SEL1L3: variants seen among roughly 807,000 people sequenced by gnomAD.
SEL1L3 encodes protein sel-1 homolog 3.
A neutral mutation model predicts 142.8 loss-of-function variants in SEL1L3; 76 were observed. The ratio of observed to expected loss-of-function variants is 0.53; its 90% CI spans 0.44 to 0.64. The LOEUF is 0.64. SEL1L3 is among the 30% of genes least tolerant of loss of function. The pLI, the probability that SEL1L3 is intolerant of heterozygous loss-of-function variation, is 0.00. For synonymous variants in SEL1L3, 504 were observed against 519.6 expected, an observed-to-expected ratio of 0.97 and a Z score of 0.41; for missense variants, 1,262 against 1,381.7, an observed-to-expected ratio of 0.91 and a Z score of 1.37.
intron 20 of SEL1L3, 88 bp downstream of exon 20, chr4:25,765,237 GC>G: frequency 2.4e-6 from 2 of 833,834 alleles, no homozygotes; most frequent in Admixed American, 1.8e-5. Flanking sequence ...CAAGTGACCC[GC>G]CCCCGTCGGC....
the SEL1L3 span, among the ~76,000 whole-genome samples, chr4:25,736,243 G>GTGTGTGTGTGTGTGTGTGTGTGTGT: frequency 8.1e-5 from 12 of 148,296 alleles, no homozygotes; most frequent in East Asian, 2.0e-4. Context: ...GTGTGTGTGT[G>GTGTGTGTGTGTGTGTGTGTGTGTGT]ATGGAGTTTT....
chr4:25,835,154 A>G (rs534168419), intron 3 of SEL1L3, 43 bp downstream of exon 3: 2 of 1,608,160 alleles, frequency 1.2e-6, no homozygotes. Context: ...CTCAAATAAA[A>G]CAAGCACCGC....
intron 17 of SEL1L3, among the ~76,000 whole-genome samples, chr4:25,774,686 C>T (rs572217167): frequency 7.2e-5 from 11 of 152,274 alleles, no homozygotes; most frequent in African/African-American, 2.6e-4. Context: ...ATGAAGAAAC[C>T]CTCTCTACTA....
intron 17 of SEL1L3, among the ~76,000 whole-genome samples, chr4:25,769,691 C>A (rs934201069): frequency 3.3e-5 from 5 of 152,192 alleles, no homozygotes; most frequent in Admixed American, 6.5e-5. Context: ...CTCTGGCCTG[C>A]ACTGGTGTCT....
chr4:25,806,232 T>C (rs535200340), intron 9 of SEL1L3, among the ~76,000 whole-genome samples: 2 of 151,984 alleles, frequency 1.3e-5, no homozygotes, highest in South Asian at 2.1e-4. Context: ...AGAGAGAGGG[T>C]TTCACCGTGT....
At chr4:25,837,136 G>T (rs1045731186) in intron 2 of SEL1L3, among the ~76,000 whole-genome samples, 1 of 151,742 alleles carries the variant, frequency 6.6e-6, no homozygotes. Flanking sequence ...TATGACGGGG[G>T]TGGTGAGAGG....
In SEL1L3 at chr4:25,765,674, C is replaced by T. The variant is rs188586080; in HGVS notation, c.2846-239G>A. Among the ~76,000 whole-genome samples the T allele has an allele frequency of 2.9e-3, 434 of 151,948 alleles. 3 individuals carry two copies. The highest frequency in any genetic ancestry group is 2.9e-3 in the Non-Finnish European group (195 of 67,960). On this transcript the variant is annotated intron_variant, in intron 19 of 23. Coordinates refer to ENST00000399878, the MANE Select transcript of SEL1L3 (RefSeq NM_015187.5). ...TCTAAATTTTTTGCGATAGGGTCTC[C>T]GCTGCCTAGGCTGGAATACAGCGGT...
At chr4:25,738,921 G>A in the SEL1L3 span, among the ~76,000 whole-genome samples, 3 of 152,122 alleles carry the variant, frequency 2.0e-5, no homozygotes, top group Non-Finnish European at 2.9e-5. Flanking sequence ...ATGTCTGGAG[G>A]TTGGCTGGGC....
chr4:25,862,391 A>G (rs1717779707), intron 1 of SEL1L3, among the ~76,000 whole-genome samples: 3 of 151,826 alleles, frequency 2.0e-5, no homozygotes, highest in Admixed American at 1.3e-4. Flanking sequence ...AGTCGAGGAC[A>G]AGAAGGGGTC....
the SEL1L3 span, among the ~76,000 whole-genome samples, chr4:25,715,300 T>C: frequency 6.6e-6 from 1 of 152,154 alleles, no homozygotes; most frequent in Non-Finnish European, 1.5e-5. Flanking sequence ...GAGACCAGCG[T>C]GGGCAACAGA....
At chr4:25,821,923 C>T (rs1714784795) in intron 7 of SEL1L3, 73 bp downstream of exon 7, 4 of 1,481,282 alleles carry the variant, frequency 2.7e-6, no homozygotes, top group Non-Finnish European at 3.6e-6. Context: ...TTTATTTACA[C>T]TGGGTGGCAC....
downstream of SEL1L3, among the ~76,000 whole-genome samples, chr4:25,744,585 C>A (rs1372981293): frequency 6.6e-6 from 1 of 152,130 alleles, no homozygotes. Flanking sequence ...AATTCCTGAC[C>A]TCAAGAGATC....
At chr4:25,720,011 T>C in the SEL1L3 span, 1 of 152,174 alleles carries the variant, frequency 6.6e-6, no homozygotes, top group African/African-American at 2.4e-5. Flanking sequence ...TAATATAATA[T>C]TAATGTAAAT....
intron 1 of SEL1L3, 54 bp downstream of exon 1, chr4:25,862,621 G>T: frequency 9.6e-7 from 1 of 1,042,916 alleles, no homozygotes; most frequent in Non-Finnish European, 1.2e-6. Flanking sequence ...GCCCCCACCC[G>T]CGTCCCCGGG....
chr4:25,718,060 T>C, the SEL1L3 span: 1 of 152,186 alleles, frequency 6.6e-6, no homozygotes, highest in Admixed American at 6.5e-5. Flanking sequence ...TCTAATGTTT[T>C]GGTTGAACTA....
At chr4:25,799,509 C>T (rs1428180966) in intron 11 of SEL1L3, among the ~76,000 whole-genome samples, 1 of 152,160 alleles carries the variant, frequency 6.6e-6, no homozygotes, top group Non-Finnish European at 1.5e-5. Context: ...GGAATTGGAA[C>T]CTCAACATAC....
At chr4:25,752,567 C>T (rs1259444704) in intron 23 of SEL1L3, among the ~76,000 whole-genome samples, 1 of 152,104 alleles carries the variant, frequency 6.6e-6, no homozygotes, top group Non-Finnish European at 1.5e-5. Flanking sequence ...GCTTTAATTA[C>T]AGGTCCAGTG....
rs191372823 is a variant in SEL1L3 at position 25,820,992 on chromosome 4, C to T, written c.1290+1004G>A. Among the ~76,000 whole-genome samples the T allele has an allele frequency of 7.7e-4, 117 of 152,160 alleles. 1 individual carries two copies. Among genetic ancestry groups the T allele is most frequent in the African/African-American group, 2.7e-3 (114 of 41,530 alleles). ...ATCCGCCTGCCTCGGCCTCCCAAAG[C>T]GCTGGGATTACAGGTGTGAGCCACC... On this transcript the variant is annotated intron_variant, in intron 7 of 23. Coordinates refer to ENST00000399878, the MANE Select transcript of SEL1L3 (RefSeq NM_015187.5).
the SEL1L3 span, among the ~76,000 whole-genome samples, chr4:25,726,379 T>C: frequency 6.6e-6 from 1 of 151,702 alleles, no homozygotes; most frequent in African/African-American, 2.4e-5. Flanking sequence ...AATACAAAAA[T>C]TAGCTGTGCG....
Sources: gnomAD v4.1 joint callset for allele counts (sites outside exome capture counted in the v4.1 genomes callset) on GRCh38, gnomAD v4.1.1 for gene constraint, MANE v1.5 for transcripts, NCBI Gene and HGNC (gene_info 2026-07-23, HGNC 2026-07-21) for gene names.